SLC25A26: variants seen among roughly 807,000 people sequenced by gnomAD.
SLC25A26 encodes the protein solute carrier family 25 member 26, also known as mitochondrial S-adenosylmethionine carrier protein.
Under a neutral mutation model 37.8 loss-of-function variants are expected in SLC25A26, and 36 were observed. The ratio of observed to expected loss-of-function variants is 0.95; its 90% confidence interval spans 0.73 to 1.26. The LOEUF (loss-of-function observed/expected upper bound fraction) is 1.26, where lower values mean the gene tolerates loss of function less well. Ranked by LOEUF, SLC25A26 falls within the 50% of genes most tolerant of loss-of-function variation. The pLI is 0.00. For synonymous variants in SLC25A26, 129 were observed against 122.5 expected, an observed-to-expected ratio of 1.05 and a Z score of -0.35; for missense variants, 390 against 331.1, an observed-to-expected ratio of 1.18 and a Z score of -1.38.
chr3:66,181,614 A>T (rs578256060), intron 1 of SLC25A26, among the ~76,000 whole-genome samples: 3 of 152,094 alleles, frequency 2.0e-5, no homozygotes, highest in Non-Finnish European at 4.4e-5. Context: ...CACTCAAGGG[A>T]GGAAGAAACC....
At chr3:66,207,635 T>C (rs1400956384) in intron 1 of SLC25A26, among the ~76,000 whole-genome samples, 1 of 152,254 alleles carries the variant, frequency 6.6e-6, no homozygotes, top group Non-Finnish European at 1.5e-5. Context: ...TAAATTTTAA[T>C]GTAAACAAAT....
At chr3:66,184,926 A>G (rs2070796804) in intron 1 of SLC25A26, among the ~76,000 whole-genome samples, 1 of 152,176 alleles carries the variant, frequency 6.6e-6, no homozygotes, top group Admixed American at 6.5e-5. Flanking sequence ...TGATCATCAA[A>G]CTGACTATAC....
chr3:66,262,104 A>G lies in SLC25A26; in HGVS notation c.354A>G (p.Val118=), dbSNP rs1360131335. The G allele has an allele frequency of 6.3e-7, 1 of 1,588,078 alleles. No homozygotes were observed. The highest frequency in any genetic ancestry group is 1.2e-5 in the South Asian group (1 of 86,064). The change falls in exon 4 of 10, where the codon GTA becomes GTG. Residue 118 remains valine (V), a synonymous_variant. Coordinates refer to ENST00000354883, the MANE Select transcript of SLC25A26 (RefSeq NM_001379210.1). ...AAGTGGTTAAGCAGAGGGCACAGGTATCTGCTTCTACAAGAACATTTCAGA... is the reference window on the plus strand; with the variant it reads ...AAGTGGTTAAGCAGAGGGCACAGGTGTCTGCTTCTACAAGAACATTTCAGA... ...PSEVVKQRAQ[V]SASTRTFQIF...
chr3:66,377,877 C>T lies in SLC25A26; in HGVS notation c.*70C>T. ...GCAGTGCAAACCCTCTTCCGCTGAG[C>T]AGCTGTCTGAACTATAGGCCCCAGT... On this transcript the variant is annotated 3_prime_UTR_variant, in exon 10 of 10. Transcript: ENST00000354883. 2 of 1,195,004 alleles carry T rather than the reference C, an allele frequency of 1.7e-6. No homozygotes were observed. Among genetic ancestry groups the T allele is most frequent in the South Asian group, 1.2e-5 (1 of 81,366 alleles). The allele number at this position is 1,195,004 out of a possible 1,614,324, so 74.0% of individuals were successfully genotyped here.
At chr3:66,366,691 C>G (rs1381036850) in intron 7 of SLC25A26, among the ~76,000 whole-genome samples, 1 of 152,132 alleles carries the variant, frequency 6.6e-6, no homozygotes, top group Non-Finnish European at 1.5e-5. Context: ...TCCTTATCAA[C>G]CTTTAGGTCT....
rs142408865 is a variant in SLC25A26, at chr3:66,236,910, A to C, written c.190+210A>C. 0.44 allele frequency among the ~76,000 whole-genome samples: 66,864 copies of C among 151,996 alleles called. 17,039 individuals are homozygous for C. The highest frequency in any genetic ancestry group is 0.7 in the African/African-American group (28,893 of 41,426). On this transcript the variant is annotated intron_variant, in intron 2 of 9. Transcript: ENST00000354883. ...GGAATGCAGTGGTGAGATAATAGCT[A>C]ACTGCAACCTTGACCTCCTGGGCTC...
chr3:66,152,646 T>A (rs1190734516), intron 1 of SLC25A26, among the ~76,000 whole-genome samples: 1 of 151,984 alleles, frequency 6.6e-6, no homozygotes, highest in Non-Finnish European at 1.5e-5. Context: ...CAAGAAAAGG[T>A]CTAGTCTTAA....
intron 1 of SLC25A26, among the ~76,000 whole-genome samples, chr3:66,150,601 GAGATAT>G (rs1559551877): frequency 2.0e-4 from 8 of 40,838 alleles, no homozygotes; most frequent in Admixed American, 4.2e-4. Flanking sequence ...TATATGTAAT[GAGATAT>G]ATATATATAT....
At chr3:66,271,935 A>T (rs2107360683) in intron 5 of SLC25A26, among the ~76,000 whole-genome samples, 1 of 152,088 alleles carries the variant, frequency 6.6e-6, no homozygotes, top group South Asian at 2.1e-4. Flanking sequence ...TTTAAAAATT[A>T]TTTGGTGGTC....
intron 5 of SLC25A26, among the ~76,000 whole-genome samples, chr3:66,343,751 T>G (rs1248820637): frequency 6.6e-6 from 1 of 152,248 alleles, no homozygotes. Flanking sequence ...TTCTTACTAA[T>G]CCATAATCAT....
intron 1 of SLC25A26, among the ~76,000 whole-genome samples, chr3:66,236,333 A>G (rs2072283799): frequency 6.6e-6 from 1 of 151,338 alleles, no homozygotes; most frequent in South Asian, 2.1e-4. Context: ...TATAAAATTT[A>G]CAACTTAAAA....
At chr3:66,213,399 CAAAAAAAAAAAAAAA>C (rs1169648803) in intron 1 of SLC25A26, among the ~76,000 whole-genome samples, 55 of 28,848 alleles carry the variant, frequency 1.9e-3, no homozygotes, top group African/African-American at 6.9e-3. Flanking sequence ...GACTCTGTCT[CAAAAAAAAAAAAAAA>C]AAAAAAAAAA....
intron 1 of SLC25A26, among the ~76,000 whole-genome samples, chr3:66,209,898 T>TTATATTTATA (rs2071257057): frequency 2.3e-4 from 9 of 38,614 alleles, no homozygotes; most frequent in Admixed American, 4.4e-4. Context: ...CTCTCTCTAT[T>TTATATTTATA]TATATATATA....
At chr3:66,371,546 T>A in intron 9 of SLC25A26, 1 of 1,197,464 alleles carries the variant, frequency 8.4e-7, no homozygotes, top group Non-Finnish European at 1.1e-6. Flanking sequence ...GGATTGACGT[T>A]GGGGGTGTGA....
At chr3:66,212,089 C>T (rs2071291503) in intron 1 of SLC25A26, among the ~76,000 whole-genome samples, 1 of 152,154 alleles carries the variant, frequency 6.6e-6, no homozygotes, top group African/African-American at 2.4e-5. Flanking sequence ...ACTTTTGTTA[C>T]AGTATATTGT....
At chr3:66,277,801 A>G (rs1219930600) in intron 5 of SLC25A26, among the ~76,000 whole-genome samples, 1 of 152,150 alleles carries the variant, frequency 6.6e-6, no homozygotes, top group African/African-American at 2.4e-5. Flanking sequence ...CATCTCTAAT[A>G]TAATGCACCA....
chr3:66,275,870 G>C (rs1001916906), intron 5 of SLC25A26, among the ~76,000 whole-genome samples: 1 of 152,000 alleles, frequency 6.6e-6, no homozygotes, highest in African/African-American at 2.4e-5. Flanking sequence ...CCTTCATTAG[G>C]TGTGTGCGAA....
At chr3:66,354,963 C>T (rs1051034029) in intron 6 of SLC25A26, among the ~76,000 whole-genome samples, 1 of 152,180 alleles carries the variant, frequency 6.6e-6, no homozygotes, top group South Asian at 2.1e-4. Context: ...AAACCTCTTT[C>T]TTTTGTACAT....
At chr3:66,214,057 G>A (rs1415563351) in intron 1 of SLC25A26, among the ~76,000 whole-genome samples, 1 of 152,202 alleles carries the variant, frequency 6.6e-6, no homozygotes, top group African/African-American at 2.4e-5. Context: ...TGGTCTGGAT[G>A]TTTGTCCCTT....
Sources: allele counts gnomAD v4.1 joint callset (sites outside exome capture counted in the v4.1 genomes callset), GRCh38; gene constraint gnomAD v4.1.1; transcripts MANE v1.5; gene names NCBI Gene and HGNC (gene_info 2026-07-23, HGNC 2026-07-21).